SENP2: variants seen among roughly 807,000 people sequenced by gnomAD.
The protein encoded by SENP2 is sentrin-specific protease 2.
Under a neutral mutation model 86.3 loss-of-function variants are expected in SENP2, and 16 were observed. The ratio of observed to expected loss-of-function variants is 0.19; its 90% CI spans 0.13 to 0.28. The LOEUF (loss-of-function observed/expected upper bound fraction) is 0.28. Among genes scored for constraint, SENP2 ranks in the 10% least tolerant of loss-of-function variants. The probability of loss-of-function intolerance (pLI) is 1.00; values close to 1 mark genes in which losing one functional copy is unlikely to be tolerated. For synonymous variants in SENP2, 222 were observed against 238.7 expected, an observed-to-expected ratio of 0.93 and a Z score of 0.64; for missense variants, 552 against 703.0, an observed-to-expected ratio of 0.79 and a Z score of 2.43.
rs542225428 is a variant in SENP2, at chr3:185,595,862, G to A, written c.158-2550G>A. Reference sequence around the variant, plus strand: ...GTCACCCAGACTGGAGTGCAGTGCCGTGATCTCACCTCACTGCAACCTCTA... The same window carrying A: ...GTCACCCAGACTGGAGTGCAGTGCCATGATCTCACCTCACTGCAACCTCTA... On this transcript the variant is annotated intron_variant, in intron 2 of 16. Transcript: ENST00000296257. Among the ~76,000 whole-genome samples the A allele has an allele frequency of 1.9e-4, 28 of 147,820 alleles. No homozygotes were observed. The South Asian group carries it at 4.9e-3, about 26-fold the overall frequency.
chr3:185,611,805 C>G (rs1722710341), intron 8 of SENP2, 60 bp downstream of exon 8: 2 of 1,154,922 alleles, frequency 1.7e-6, no homozygotes, highest in Admixed American at 4.1e-5. Context: ...CTACAGTGTT[C>G]ATATGAGGTA....
chr3:185,632,213 G>GTTTTTTTTTTTTTTTTTTTTT lies in SENP2; in HGVS notation c.*2379_*2380insTTTTTTTTTTTTTTTTTTTTT, dbSNP rs369236428. ...CAAATTATCACCATTAAAGCCAGTG[G>GTTTTTTTTTTTTTTTTTTTTT]TTTTTTTTTTGTTTTTTTTTTTTGT... On this transcript the variant is annotated 3_prime_UTR_variant, in exon 17 of 17. Coordinates refer to ENST00000296257, the MANE Select transcript of SENP2 (RefSeq NM_021627.3). 1 of 125,326 alleles carries GTTTTTTTTTTTTTTTTTTTTT rather than the reference G, an allele frequency of 8.0e-6. No homozygotes were observed. The highest frequency in any genetic ancestry group is 3.0e-5 in the African/African-American group (1 of 33,022). 7.8% of individuals were successfully genotyped at this position (125,326 alleles called of 1,614,324 possible).
At position 185,595,796 on chromosome 3, in the gene SENP2, G is replaced by GA. The variant is rs1258648749; in HGVS notation, c.158-2615dup. Among the ~76,000 whole-genome samples the GA allele has an allele frequency of 2.5e-3, 367 of 147,674 alleles. 1 individual carries two copies. The highest frequency in any genetic ancestry group is 8.6e-3 in the African/African-American group (347 of 40,200). ...TGGTGGCAAGGAAGGGTGAGCCTGA[G>GA]ATTTTTTTTTTTTTTTTTTTTTGAG... is the stretch of plus-strand genomic sequence containing the variant. On this transcript the variant is annotated intron_variant, in intron 2 of 16. Transcript: ENST00000296257.
chr3:185,631,228 AT>A lies in SENP2; in HGVS notation c.*1387del, dbSNP rs1712442983. 1 of 152,052 alleles carries A rather than the reference AT, an allele frequency of 6.6e-6. No individual in the cohort carries two copies. The highest frequency in any genetic ancestry group is 1.5e-5 in the Non-Finnish European group (1 of 68,022). The allele number at this position is 152,052 out of a possible 1,614,324, so 9.4% of individuals were successfully genotyped here. On this transcript the variant is annotated 3_prime_UTR_variant, in exon 17 of 17. Coordinates refer to ENST00000296257, the MANE Select transcript of SENP2 (RefSeq NM_021627.3). ...TTACCTATGAATCTACACGCCTGCC[AT>A]TTGCAGTGCTCCGGCTGCTGGTCCC... is the stretch of plus-strand genomic sequence containing the variant.
chr3:185,593,410 G>A (rs557384712), intron 2 of SENP2, among the ~76,000 whole-genome samples: 6 of 152,080 alleles, frequency 3.9e-5, no homozygotes, highest in Non-Finnish European at 7.3e-5. Context: ...CACCATCCCC[G>A]GCCAAGGATT....
chr3:185,588,939 T>A (rs1333753184), intron 1 of SENP2, among the ~76,000 whole-genome samples: 2 of 152,182 alleles, frequency 1.3e-5, no homozygotes, highest in Non-Finnish European at 2.9e-5. Context: ...TTACTATACT[T>A]TAGGTGTTCA....
intron 9 of SENP2, 107 bp downstream of exon 9, chr3:185,612,765 TTCTGGTAGTTGG>T: frequency 2.6e-6 from 2 of 782,492 alleles, no homozygotes; most frequent in Non-Finnish European, 4.2e-6. Flanking sequence ...CTCTCTTGAG[TTCTGGTAGTTGG>T]TCAGCATATA....
chr3:185,590,560 A>C (rs535066800), intron 2 of SENP2, among the ~76,000 whole-genome samples: 3 of 150,558 alleles, frequency 2.0e-5, no homozygotes, highest in South Asian at 2.1e-4. Context: ...AAAAAAAAAA[A>C]CAAAAAAACT....
At chr3:185,616,486 A>C (rs1287187413) in intron 11 of SENP2, among the ~76,000 whole-genome samples, 2 of 150,108 alleles carry the variant, frequency 1.3e-5, no homozygotes. Context: ...AAAAAAAAAA[A>C]AAAAGAAGGG....
chr3:185,622,023 C>T (rs1389442002), intron 14 of SENP2, 118 bp downstream of exon 14: 1 of 530,096 alleles, frequency 1.9e-6, no homozygotes, highest in Non-Finnish European at 3.3e-6. Flanking sequence ...CAGGACTTAG[C>T]ATGCATTTTA....
chr3:185,601,930 G>A (rs542615692), intron 5 of SENP2, among the ~76,000 whole-genome samples: 4 of 152,244 alleles, frequency 2.6e-5, no homozygotes, highest in South Asian at 4.1e-4. Flanking sequence ...GAGCCACTGC[G>A]TGCGGCCTTC....
At position 185,611,074 on chromosome 3, in the gene SENP2, G is replaced by A. The variant is rs1722673505; in HGVS notation, c.723-577G>A. Among the ~76,000 whole-genome samples the A allele has an allele frequency of 2.0e-5, 3 of 152,164 alleles. No homozygotes were observed. In the South Asian group the frequency reaches 6.2e-4, roughly 31 times the overall value. On this transcript the variant is annotated intron_variant, in intron 7 of 16. Coordinates refer to ENST00000296257, the MANE Select transcript of SENP2 (RefSeq NM_021627.3). The stretch of plus-strand genomic sequence containing the variant: ...GTGGGTCACTGGAGGTCAGGACTTC[G>A]AGACCAGCCTGACCAACATGGCGAA...
chr3:185,587,570 A>ATTTTTTCTTTTTTTTTTTTT (rs1721827702), intron 1 of SENP2, among the ~76,000 whole-genome samples: 1 of 118,798 alleles, frequency 8.4e-6, no homozygotes, highest in African/African-American at 3.2e-5. Context: ...TCAAGTGTTA[A>ATTTTTTCTTTTTTTTTTTTT]TTTTTTTTTT....
chr3:185,623,634 C>T (rs1711993157), intron 14 of SENP2, among the ~76,000 whole-genome samples: 1 of 151,966 alleles, frequency 6.6e-6, no homozygotes, highest in African/African-American at 2.4e-5. Context: ...ACCATCCTGG[C>T]TAACACGGTG....
At chr3:185,610,313 G>A (rs982179454) in intron 7 of SENP2, among the ~76,000 whole-genome samples, 4 of 151,672 alleles carry the variant, frequency 2.6e-5, no homozygotes, top group African/African-American at 7.3e-5. Flanking sequence ...GGCGTCCACC[G>A]CCACGCCCAG....
At position 185,600,815 on chromosome 3, in the gene SENP2, G is replaced by A. The variant is rs745970235; in HGVS notation, c.409G>A (p.Val137Ile). ...TGACTATCCAAAGATCAGAGTGACA[G>A]TTACCCGAGATCAGCCACGCAGAGT... ...ISDYPKIRVT[V>I]TRDQPRRVLP... The change falls in exon 5 of 17, where the codon GTT becomes ATT. Residue 137 changes from valine to isoleucine, a missense_variant. Physicochemically the swap from Val to Ile is conservative, Grantham distance 29. Coordinates refer to ENST00000296257, the MANE Select transcript of SENP2 (RefSeq NM_021627.3). The A allele has an allele frequency of 1.2e-6, 2 of 1,612,528 alleles. No individual in the cohort carries two copies. Among genetic ancestry groups the A allele is most frequent in the South Asian group, 2.2e-5 (2 of 91,034 alleles).
Position 185,633,057 on chromosome 3 carries a change from G to A in SENP2, c.*3213G>A, listed in dbSNP as rs1400041538. 1.3e-5 allele frequency: 2 copies of A among 152,122 alleles called. No individual in the cohort carries two copies. Among genetic ancestry groups the A allele is most frequent in the South Asian group, 2.1e-4 (1 of 4,826 alleles). The allele number at this position is 152,122 out of a possible 1,614,324, so 9.4% of individuals were successfully genotyped here. A position where few individuals can be genotyped will look rare whatever the true frequency, so the allele number is the denominator to read the frequency against. On this transcript the variant is annotated 3_prime_UTR_variant, in exon 17 of 17. Transcript: ENST00000296257. ...AGCCCCATATTCTACCTCAGTTACC[G>A]AAGGCTATTAGAACCTCTGAATTTT...
chr3:185,593,034 A>T (rs1353805911), intron 2 of SENP2, among the ~76,000 whole-genome samples: 1 of 152,234 alleles, frequency 6.6e-6, no homozygotes, highest in Non-Finnish European at 1.5e-5. Flanking sequence ...TAGTAACAAA[A>T]TCCTATCCAA....
chr3:185,627,449 G>T (rs1712205333), intron 16 of SENP2, among the ~76,000 whole-genome samples: 1 of 152,130 alleles, frequency 6.6e-6, no homozygotes, highest in South Asian at 2.1e-4. Context: ...GTCTCGCTTT[G>T]TTGCCCAGGC....
Sources: allele counts gnomAD v4.1 joint callset (sites outside exome capture counted in the v4.1 genomes callset), GRCh38; gene constraint gnomAD v4.1.1; transcripts MANE v1.5; gene names NCBI Gene and HGNC (gene_info 2026-07-23, HGNC 2026-07-21).